Variants in ATP6V1C1 observed in about 807,000 individuals in gnomAD.
ATP6V1C1 encodes the protein ATPase H+ transporting V1 subunit C1.
Under a neutral mutation model 53.9 loss-of-function variants are expected in ATP6V1C1, and 45 were observed. The observed-to-expected ratio is 0.83, with a 90% CI of 0.66 to 1.07. The LOEUF (loss-of-function observed/expected upper bound fraction) is 1.07, where lower values mean the gene tolerates loss of function less well. ATP6V1C1 is among the 50% of genes least tolerant of loss of function. The pLI, the probability that ATP6V1C1 is intolerant of heterozygous loss-of-function variation, is 0.00. For synonymous variants in ATP6V1C1, 153 were observed against 155.2 expected, an observed-to-expected ratio of 0.99 and a Z score of 0.11; for missense variants, 315 against 440.3, an observed-to-expected ratio of 0.72 and a Z score of 2.55.
At chr8:103,029,271 C>T (rs1414518747) in intron 1 of ATP6V1C1, among the ~76,000 whole-genome samples, 1 of 130,564 alleles carries the variant, frequency 7.7e-6, no homozygotes, top group Non-Finnish European at 1.6e-5. Flanking sequence ...CTTCTTTTCT[C>T]TCTCTCTCTC....
Position 103,067,150 on chromosome 8 carries a change from G to A in ATP6V1C1, c.1053+703G>A, listed in dbSNP as rs143718015. 9.0e-4 allele frequency among the ~76,000 whole-genome samples: 137 copies of A among 152,196 alleles called. 1 individual carries two copies. In the East Asian group the frequency reaches 0.025, roughly 28 times the overall value. ...GTGGTGGCTCACGCCTGTAATCCCAGCACTTTGGGAGGCCGAGGCGGGGGG... is the reference window on the plus strand; with the variant it reads ...GTGGTGGCTCACGCCTGTAATCCCAACACTTTGGGAGGCCGAGGCGGGGGG... On this transcript the variant is annotated intron_variant, in intron 12 of 12. Transcript: ENST00000518738.
chr8:103,028,695 A>G (rs564878624), intron 1 of ATP6V1C1, among the ~76,000 whole-genome samples: 38 of 152,344 alleles, frequency 2.5e-4, no homozygotes, highest in African/African-American at 8.2e-4. Context: ...TATATGCAGA[A>G]CTGGGATTAG....
At position 103,053,903 on chromosome 8, in the gene ATP6V1C1, A is replaced by C. The variant is rs1389454725; in HGVS notation, c.493A>C (p.Ser165Arg). 3 of 1,611,548 alleles carry C rather than the reference A, an allele frequency of 1.9e-6. No individual in the cohort carries two copies. In the South Asian group the frequency reaches 3.3e-5, roughly 18 times the overall value. Residue 165 changes from serine to arginine, a missense_variant, in exon 7 of 13, where the codon AGT (serine) becomes CGT (arginine). Physicochemically the swap from Ser to Arg is moderately radical, Grantham distance 110. Transcript: ENST00000518738. ...RKNAGSLLTR[S>R]LAEIVKKDDF... ...CCTCAGAGGAAGTTTGCTAACTAGA[A>C]GTCTAGCAGAAATTGTGAAGAAGGA...
intron 1 of ATP6V1C1, among the ~76,000 whole-genome samples, chr8:103,024,460 A>G (rs947645814): frequency 6.6e-6 from 1 of 152,212 alleles, no homozygotes; most frequent in Non-Finnish European, 1.5e-5. Flanking sequence ...ACCTTTGCCA[A>G]AGGTCTCCAT....
chr8:103,043,736 G>A (rs1034294110), intron 3 of ATP6V1C1, among the ~76,000 whole-genome samples: 1 of 152,054 alleles, frequency 6.6e-6, no homozygotes, highest in African/African-American at 2.4e-5. Flanking sequence ...TTCTTCCTTG[G>A]AGAAATGTCT....
chr8:103,026,093 C>T (rs1000683727), intron 1 of ATP6V1C1, among the ~76,000 whole-genome samples: 1 of 152,228 alleles, frequency 6.6e-6, no homozygotes, highest in Admixed American at 6.5e-5. Flanking sequence ...GTTGCCTGTG[C>T]AGAGGAGGAG....
At chr8:103,026,970 A>T (rs1010287502) in intron 1 of ATP6V1C1, among the ~76,000 whole-genome samples, 1 of 152,190 alleles carries the variant, frequency 6.6e-6, no homozygotes, top group African/African-American at 2.4e-5. Flanking sequence ...CCCAATTAAG[A>T]TGCTTCTGTT....
At chr8:103,036,453 A>G (rs1724395292) in intron 1 of ATP6V1C1, among the ~76,000 whole-genome samples, 2 of 152,170 alleles carry the variant, frequency 1.3e-5, no homozygotes, top group Admixed American at 1.3e-4. Context: ...TTGGGAGGCT[A>G]AGGCAGGAGG....
intron 2 of ATP6V1C1, 107 bp from the exon 3 acceptor site, chr8:103,042,233 A>G (rs555394441): frequency 3.7e-6 from 4 of 1,085,666 alleles, no homozygotes; most frequent in Non-Finnish European, 5.5e-6. Context: ...TATGAAATAA[A>G]ATAGGGAGAA....
At chr8:103,038,902 G>A (rs1281301489) in intron 1 of ATP6V1C1, among the ~76,000 whole-genome samples, 1 of 152,200 alleles carries the variant, frequency 6.6e-6, no homozygotes, top group Non-Finnish European at 1.5e-5. Context: ...AAGCTGTGCT[G>A]TTCTCTGACC....
Position 103,040,784 on chromosome 8 carries a change from G to A in ATP6V1C1, c.-39-14G>A. 2 of 1,568,164 alleles carry A rather than the reference G, an allele frequency of 1.3e-6. No individual in the cohort carries two copies. Among genetic ancestry groups the A allele is most frequent in the East Asian group, 2.3e-5 (1 of 44,236 alleles). On this transcript the variant is annotated splice_polypyrimidine_tract_variant and intron_variant, in intron 1 of 12. Transcript: ENST00000518738. ...ATTTTAAATGTGATTTTTTTTATTTGTTTTACATTTCAGAATCTCTCTTGA... is the reference window on the plus strand; with the variant it reads ...ATTTTAAATGTGATTTTTTTTATTTATTTTACATTTCAGAATCTCTCTTGA...
chr8:103,050,403 GAGAA>G (rs779408834), intron 4 of ATP6V1C1, among the ~76,000 whole-genome samples: 2 of 152,208 alleles, frequency 1.3e-5, no homozygotes, highest in Non-Finnish European at 2.9e-5. Flanking sequence ...ATATTGAGAA[GAGAA>G]AGATATTTTT....
At chr8:103,058,505 A>C (rs1394227324) in intron 8 of ATP6V1C1, among the ~76,000 whole-genome samples, 5 of 152,188 alleles carry the variant, frequency 3.3e-5, no homozygotes, top group Non-Finnish European at 7.4e-5. Context: ...CCTGATGCTG[A>C]ATTTTTGGCT....
intron 8 of ATP6V1C1, 32 bp from the exon 9 acceptor site, chr8:103,062,923 A>C: frequency 6.3e-7 from 1 of 1,596,356 alleles, no homozygotes; most frequent in Non-Finnish European, 8.6e-7. Flanking sequence ...AATACGTATA[A>C]ATCTTTAAAT....
chr8:103,059,264 C>T (rs1304262026), intron 8 of ATP6V1C1, among the ~76,000 whole-genome samples: 5 of 152,196 alleles, frequency 3.3e-5, no homozygotes, highest in Non-Finnish European at 7.3e-5. Context: ...CAACCACACC[C>T]ATGGCTCTAG....
At position 103,053,942 on chromosome 8, in the gene ATP6V1C1, G is replaced by A. The variant is rs775303068; in HGVS notation, c.532G>A (p.Asp178Asn). 3 of 1,610,382 alleles carry A rather than the reference G, an allele frequency of 1.9e-6. No individual in the cohort carries two copies. The highest frequency in any genetic ancestry group is 2.2e-5 in the East Asian group (1 of 44,686). ...TGTGAAGAAGGATGACTTTGTTCTT[G>A]ATTCAGAGTATCTCGTCACATTACT... is the stretch of plus-strand genomic sequence containing the variant. ...EIVKKDDFVL[D>N]SEYLVTLLVV... The change falls in exon 7 of 13, where the codon GAT (aspartate) becomes AAT (asparagine). Residue 178 changes from aspartate (D) to asparagine (N), a missense_variant. Coordinates refer to ENST00000518738, the MANE Select transcript of ATP6V1C1 (RefSeq NM_001695.5).
At chr8:103,047,580 CTGTGTTATGTCCCTGTCTAGAG>C (rs1400717012) in intron 3 of ATP6V1C1, among the ~76,000 whole-genome samples, 1 of 152,016 alleles carries the variant, frequency 6.6e-6, no homozygotes, top group Admixed American at 6.5e-5. Flanking sequence ...CCTGTTTCGA[CTGTGTTATGTCCCTGTCTAGAG>C]TGTGGCTTCA....
Position 103,035,512 on chromosome 8 carries a change from G to A in ATP6V1C1, c.-39-5286G>A, listed in dbSNP as rs538589177. On this transcript the variant is annotated intron_variant, in intron 1 of 12. Coordinates refer to ENST00000518738, the MANE Select transcript of ATP6V1C1 (RefSeq NM_001695.5). ...AAATGAGGGAGAATACGATGAGTGC[G>A]TAGTAGGGGCATTTATAAAGTATAA... 5.3e-5 allele frequency among the ~76,000 whole-genome samples: 8 copies of A among 152,282 alleles called. No individual in the cohort carries two copies. In the East Asian group the frequency reaches 5.8e-4, roughly 11 times the overall value.
chr8:103,053,036 T>C (rs990876066), intron 6 of ATP6V1C1, among the ~76,000 whole-genome samples: 8 of 152,040 alleles, frequency 5.3e-5, no homozygotes, highest in Non-Finnish European at 1.2e-4. Flanking sequence ...TATACTTGTT[T>C]TATAAATAAT....
Sources: gnomAD v4.1 joint callset for allele counts (sites outside exome capture counted in the v4.1 genomes callset) on GRCh38, gnomAD v4.1.1 for gene constraint, MANE v1.5 for transcripts, NCBI Gene and HGNC (gene_info 2026-07-23, HGNC 2026-07-21) for gene names.